The following SMYD5 variants were observed in gnomAD, a reference collection of about 807,000 sequenced individuals.
SMYD5 encodes the protein SMYD family member 5.
In SMYD5, 35 loss-of-function variants were observed where a neutral mutation model predicts 57.4. The ratio of observed to expected loss-of-function variants is 0.61; its 90% CI spans 0.47 to 0.81. SMYD5 has a LOEUF of 0.81. Among genes scored for constraint, SMYD5 ranks in the 30% least tolerant of loss-of-function variants. The pLI, the probability that SMYD5 is intolerant of heterozygous loss-of-function variation, is 0.00. For missense variants in SMYD5, 471 were observed against 527.9 expected (o/e 0.89, Z 1.06); for synonymous variants, 198 against 189.7 (o/e 1.04, Z -0.36).
At chr2:73,221,710 C>T (rs1460172641) in intron 5 of SMYD5, 116 bp from the exon 6 acceptor site, 7 of 732,598 alleles carry the variant, frequency 9.6e-6, no homozygotes, top group African/African-American at 3.5e-5. Flanking sequence ...TGGGAGGAAG[C>T]CTCAGGCAGA....
chr2:73,214,374 G>A lies in SMYD5; in HGVS notation c.96+12G>A, dbSNP rs765211407. 9 of 1,613,064 alleles carry A rather than the reference G, an allele frequency of 5.6e-6. No individual in the cohort carries two copies. The highest frequency in any genetic ancestry group is 7.6e-6 in the Non-Finnish European group (9 of 1,179,560). On this transcript the variant is annotated intron_variant, in intron 1 of 12. Transcript: ENST00000389501. ...TGAGCAGCGCCAAGGTGAGGTCGGG[G>A]CGGGTCCTGCCGGGAGCCTCTCCCC...
At chr2:73,221,312 A>C in intron 5 of SMYD5, 78 bp downstream of exon 5, 2 of 1,176,960 alleles carry the variant, frequency 1.7e-6, no homozygotes, top group Non-Finnish European at 2.5e-6. Flanking sequence ...CCTCACCTCA[A>C]AGCCCTAGCT....
intron 2 of SMYD5, 146 bp downstream of exon 2, chr2:73,219,115 A>C: frequency 1.5e-6 from 1 of 658,644 alleles, no homozygotes; most frequent in Non-Finnish European, 2.8e-6. Flanking sequence ...CCTGAGAACC[A>C]TGCCTCTGTC....
At chr2:73,215,086 C>T (rs1686268721) in intron 1 of SMYD5, among the ~76,000 whole-genome samples, 1 of 152,194 alleles carries the variant, frequency 6.6e-6, no homozygotes, top group African/African-American at 2.4e-5. Flanking sequence ...TGAGTAGTAG[C>T]TTCTTCCGTG....
chr2:73,214,596 C>T (rs775080749), intron 1 of SMYD5: 7 of 1,503,432 alleles, frequency 4.7e-6, no homozygotes, highest in African/African-American at 2.8e-5. Context: ...CAGCGGAATT[C>T]GGCCAGCCCG....
At chr2:73,217,499 T>C (rs1394474505) in intron 1 of SMYD5, among the ~76,000 whole-genome samples, 1 of 152,174 alleles carries the variant, frequency 6.6e-6, no homozygotes, top group Non-Finnish European at 1.5e-5. Context: ...AGTTTTCAAT[T>C]TGCTAGATTG....
intron 1 of SMYD5, among the ~76,000 whole-genome samples, chr2:73,215,176 A>G (rs1054537055): frequency 6.6e-6 from 1 of 152,212 alleles, no homozygotes; most frequent in Admixed American, 6.5e-5. Context: ...CCCAGAGTCA[A>G]AAGTCTTAGA....
chr2:73,218,409 C>T (rs1293019426), intron 1 of SMYD5, among the ~76,000 whole-genome samples: 3 of 152,204 alleles, frequency 2.0e-5, no homozygotes, highest in Non-Finnish European at 2.9e-5. Flanking sequence ...CAAGGCTTCC[C>T]TGTCCCATGG....
rs539309459 is a variant in SMYD5 at position 73,214,612 on chromosome 2, G to C, written c.96+250G>C. ...AGCGGAATTCGGCCAGCCCGCGGGA[G>C]GCCCTTCTGTGGCTGCTCGGGGCGG... On this transcript the variant is annotated intron_variant, in intron 1 of 12. Transcript: ENST00000389501. The C allele has an allele frequency of 2.8e-5, 43 of 1,513,638 alleles. No homozygotes were observed. The East Asian group carries it at 1.1e-3, about 38-fold the overall frequency. The allele number at this position is 1,513,638 out of a possible 1,614,324, so 93.8% of individuals were successfully genotyped here.
At chr2:73,221,955 T>C in intron 6 of SMYD5, 25 bp downstream of exon 6, 1 of 1,388,354 alleles carries the variant, frequency 7.2e-7, no homozygotes, top group South Asian at 1.2e-5. Context: ...GTGGCCTGTC[T>C]CCTTCCCTCC....
At chr2:73,216,625 G>A (rs1182402507) in intron 1 of SMYD5, among the ~76,000 whole-genome samples, 1 of 152,218 alleles carries the variant, frequency 6.6e-6, no homozygotes, top group Non-Finnish European at 1.5e-5. Context: ...AACCCAGGAG[G>A]CAGAAGTTGC....
At position 73,221,918 on chromosome 2, in the gene SMYD5, A is replaced by T. The variant is rs549111485; in HGVS notation, c.630A>T (p.Gly210=). Residue 210 remains glycine, a synonymous_variant, in exon 6 of 13, where the codon GGA becomes GGT. Coordinates refer to ENST00000389501, the MANE Select transcript of SMYD5 (RefSeq NM_006062.3). ...EEEEIVHKLL[G]DKFKGQLELL... The stretch of plus-strand genomic sequence containing the variant: ...AGGAAATTGTCCATAAACTTCTGGG[A>T]GACAAATTCAAGGTTATTATTCTCC... 29 of 1,606,206 alleles carry T rather than the reference A, an allele frequency of 1.8e-5. No individual in the cohort carries two copies. In the East Asian group the frequency reaches 6.2e-4, roughly 35 times the overall value.
rs1365789020 is a variant in SMYD5 at position 73,227,130 on chromosome 2, C to T, written c.*1184C>T. 1 of 152,786 alleles carries T rather than the reference C, an allele frequency of 6.5e-6. No individual in the cohort carries two copies. Among genetic ancestry groups the T allele is most frequent in the African/African-American group, 2.4e-5 (1 of 41,454 alleles). The allele number at this position is 152,786 out of a possible 1,614,324, so 9.5% of individuals were successfully genotyped here. On this transcript the variant is annotated 3_prime_UTR_variant, in exon 13 of 13. Coordinates refer to ENST00000389501, the MANE Select transcript of SMYD5 (RefSeq NM_006062.3). ...TGGAGCCAGGTGAAACCTGTCTGGC[C>T]CCTTACCCATTGGGTTCTTACTCCT... is the stretch of plus-strand genomic sequence containing the variant.
At chr2:73,221,271 G>A in intron 5 of SMYD5, 37 bp downstream of exon 5, 2 of 1,562,494 alleles carry the variant, frequency 1.3e-6, no homozygotes, top group Non-Finnish European at 1.8e-6. Flanking sequence ...AGCTGACTTT[G>A]GCCCCATTCA....
chr2:73,225,920 C>T lies in SMYD5; in HGVS notation c.1231C>T (p.Leu411=). ...GGAAGGAGAGCCAGAAGATGCAGAG[C>T]TGGGGGATGAGATGACTGATGTGTG... ...EEEGEPEDAE[L]GDEMTDV Residue 411 remains leucine (L), a synonymous_variant, in exon 13 of 13, where the codon CTG becomes TTG. Coordinates refer to ENST00000389501, the MANE Select transcript of SMYD5 (RefSeq NM_006062.3). 1 of 1,613,964 alleles carries T rather than the reference C, an allele frequency of 6.2e-7. No individual in the cohort carries two copies. Among genetic ancestry groups the T allele is most frequent in the Non-Finnish European group, 8.5e-7 (1 of 1,179,862 alleles).
intron 5 of SMYD5, 83 bp downstream of exon 5, chr2:73,221,317 C>G: frequency 8.8e-7 from 1 of 1,142,312 alleles, no homozygotes; most frequent in African/African-American, 1.5e-5. Flanking sequence ...CCTCAAAGCC[C>G]TAGCTTGGAT....
intron 1 of SMYD5, among the ~76,000 whole-genome samples, chr2:73,215,663 T>TTTC (rs1317893047): frequency 6.6e-6 from 1 of 152,196 alleles, no homozygotes; most frequent in Non-Finnish European, 1.5e-5. Context: ...AGCCCCTTCC[T>TTTC]TTCTTCATTT....
At chr2:73,219,697 C>A (rs1422635835) in intron 2 of SMYD5, among the ~76,000 whole-genome samples, 1 of 152,096 alleles carries the variant, frequency 6.6e-6, no homozygotes, top group Non-Finnish European at 1.5e-5. Context: ...ATTTCTTAAG[C>A]TAGAGAGACA....
At chr2:73,215,964 C>T (rs1411224551) in intron 1 of SMYD5, among the ~76,000 whole-genome samples, 2 of 152,004 alleles carry the variant, frequency 1.3e-5, no homozygotes, top group Non-Finnish European at 2.9e-5. Context: ...TCTGTCATTA[C>T]ATTGTTTAAA....
Sources: allele counts gnomAD v4.1 joint callset (sites outside exome capture counted in the v4.1 genomes callset), GRCh38; gene constraint gnomAD v4.1.1; transcripts MANE v1.5; gene names NCBI Gene and HGNC (gene_info 2026-07-23, HGNC 2026-07-21).